The following CLN6 variants were observed in gnomAD, a reference collection of about 807,000 sequenced individuals.
CLN6 encodes the protein ceroid-lipofuscinosis neuronal protein 6.
Under a neutral mutation model 33.3 loss-of-function variants are expected in CLN6, and 22 were observed. That is an observed-to-expected ratio of 0.66 (90% CI 0.47 to 0.94). The LOEUF (loss-of-function observed/expected upper bound fraction) is 0.94. Ranked by LOEUF, CLN6 falls within the 40% of genes least tolerant of loss-of-function variation. The pLI is 0.00. For synonymous variants in CLN6, 201 were observed against 174.6 expected, an observed-to-expected ratio of 1.15 and a Z score of -1.19; for missense variants, 387 against 417.1, an observed-to-expected ratio of 0.93 and a Z score of 0.63.
chr15:68,230,199 C>T (rs914453634), upstream of CLN6, among the ~76,000 whole-genome samples: 1 of 151,846 alleles, frequency 6.6e-6, no homozygotes, highest in Non-Finnish European at 1.5e-5. This position sits in a 1 kb window ranked among gnomAD's most constrained non-coding sequence, Gnocchi z 4.0. Context: ...CATCTAGAGT[C>T]GTGTGAGAGG....
In CLN6 at chr15:68,209,876, A is replaced by G. The variant is rs757914017; in HGVS notation, c.543-117T>C. The G allele has an allele frequency of 4.9e-6, 7 of 1,423,146 alleles. No individual in the cohort carries two copies. The highest frequency in any genetic ancestry group is 5.9e-6 in the Non-Finnish European group (6 of 1,022,238). The allele number at this position is 1,423,146 out of a possible 1,614,324, so 88.2% of individuals were successfully genotyped here. On this transcript the variant is annotated intron_variant, in intron 5 of 6. Transcript: ENST00000249806. The surrounding 1 kb of genome is among the most constrained non-coding windows in gnomAD (Gnocchi z 4.9). ...CCACGTCACAGTTTACAAAACGCCT[A>G]GCCTGGGTGAGAGGCGCTCCTCTCC...
Position 68,211,487 on chromosome 15 carries a change from G to A in CLN6, c.487-169C>T. On this transcript the variant is annotated intron_variant, in intron 4 of 6. Transcript: ENST00000249806. The surrounding 1 kb of genome is among the most constrained non-coding windows in gnomAD (Gnocchi z 5.9). ...TTCTGTTACAGGGGCCCAGGTGGGAGGCAGTCTGTGCACCACTTCCTAAGA... is the reference window on the plus strand; with the variant it reads ...TTCTGTTACAGGGGCCCAGGTGGGAAGCAGTCTGTGCACCACTTCCTAAGA... 1.9e-6 allele frequency: 3 copies of A among 1,559,782 alleles called. No homozygotes were observed. Among genetic ancestry groups the A allele is most frequent in the Non-Finnish European group, 2.6e-6 (3 of 1,149,754 alleles).
chr15:68,207,145 G>A lies in CLN6; in HGVS notation c.*995C>T, dbSNP rs1201199647. 2 of 152,376 alleles carry A rather than the reference G, an allele frequency of 1.3e-5. No individual in the cohort carries two copies. The highest frequency in any genetic ancestry group is 1.3e-4 in the Admixed American group (2 of 15,314). 9.4% of individuals were successfully genotyped at this position (152,376 alleles called of 1,614,324 possible). A position where few individuals can be genotyped will look rare whatever the true frequency, so the allele number is the denominator to read the frequency against. On this transcript the variant is annotated 3_prime_UTR_variant, in exon 7 of 7. Coordinates refer to ENST00000249806, the MANE Select transcript of CLN6 (RefSeq NM_017882.3). ...CCCACAGGAAGGGTCCTAGGTAGGGGGAGGTTCCTCCTCCCTTGAAACCCT... is the reference window on the plus strand; with the variant it reads ...CCCACAGGAAGGGTCCTAGGTAGGGAGAGGTTCCTCCTCCCTTGAAACCCT...
At chr15:68,214,252 G>A in intron 3 of CLN6, 38 bp downstream of exon 3, 1 of 1,454,914 alleles carries the variant, frequency 6.9e-7, no homozygotes, top group Non-Finnish European at 9.7e-7. Context: ...TGCAAAGAAT[G>A]GGGATGACAG....
intron 1 of CLN6, among the ~76,000 whole-genome samples, chr15:68,243,590 A>G (rs1404545669): frequency 6.6e-6 from 1 of 151,996 alleles, no homozygotes; most frequent in Non-Finnish European, 1.5e-5. Flanking sequence ...CCGCATCTCT[A>G]CTAAAAGTAC....
intron 1 of CLN6, among the ~76,000 whole-genome samples, chr15:68,250,973 A>C (rs1294304181): frequency 6.6e-6 from 1 of 152,194 alleles, no homozygotes; most frequent in Non-Finnish European, 1.5e-5. Flanking sequence ...CTAATCAAGG[A>C]CTGTATGAGA....
At chr15:68,222,892 C>G (rs1348939068) in intron 1 of CLN6, among the ~76,000 whole-genome samples, 1 of 152,084 alleles carries the variant, frequency 6.6e-6, no homozygotes, top group Non-Finnish European at 1.5e-5. Flanking sequence ...AAGGGTGGTG[C>G]AAGATGTGCT....
chr15:68,251,357 T>G (rs1376028513), intron 1 of CLN6, among the ~76,000 whole-genome samples: 1 of 152,172 alleles, frequency 6.6e-6, no homozygotes, highest in Non-Finnish European at 1.5e-5. Context: ...GGTAGATCAC[T>G]GTAAACATTG....
At chr15:68,233,443 A>G (rs1037875563), upstream of CLN6, among the ~76,000 whole-genome samples, 10 of 152,180 alleles carry the variant, frequency 6.6e-5, no homozygotes, top group Non-Finnish European at 1.5e-4. This position sits in a 1 kb window ranked among gnomAD's most constrained non-coding sequence, Gnocchi z 4.3. Context: ...TAATTTCATC[A>G]TTCTGCAGCT....
At position 68,211,720 on chromosome 15, in the gene CLN6, A is replaced by C. The variant is rs1595818241; in HGVS notation, c.441T>G (p.Ser147=). 1.9e-6 allele frequency: 3 copies of C among 1,613,964 alleles called. No homozygotes were observed. The highest frequency in any genetic ancestry group is 2.5e-6 in the Non-Finnish European group (3 of 1,180,002). Residue 147 remains serine, a synonymous_variant, in exon 4 of 7, where the codon TCT becomes TCG. Transcript: ENST00000249806. The surrounding 1 kb of genome is among the most constrained non-coding windows in gnomAD (Gnocchi z 5.9). ...LLFSGYQHHL[S]VRENPIIKNL... is the part of the protein sequence containing the mutation. The stretch of plus-strand genomic sequence containing the variant: ...TCTTGATGATGGGGTTCTCACGGAC[A>C]GACAGGTGGTGCTGGTAGCCACTGA...
At chr15:68,221,305 C>T (rs2093235232) in intron 1 of CLN6, among the ~76,000 whole-genome samples, 1 of 148,788 alleles carries the variant, frequency 6.7e-6, no homozygotes, top group Non-Finnish European at 1.5e-5. Context: ...GATCTCAGCT[C>T]CCTGCAACCT....
chr15:68,249,504 G>A (rs1304392167), intron 1 of CLN6, among the ~76,000 whole-genome samples: 1 of 152,190 alleles, frequency 6.6e-6, no homozygotes, highest in Non-Finnish European at 1.5e-5. Flanking sequence ...GAAAAAGAAT[G>A]AAACTCTGTC....
In CLN6 at chr15:68,220,729, C is replaced by T. The variant is rs1245590617; in HGVS notation, c.84-2079G>A. Reference sequence around the variant, plus strand: ...TTTGCTAAGGATGGTGCAGTTCACACTGGCTTTCTGTCACTTGCAACCCAG... The same window carrying T: ...TTTGCTAAGGATGGTGCAGTTCACATTGGCTTTCTGTCACTTGCAACCCAG... On this transcript the variant is annotated intron_variant, in intron 1 of 6. Coordinates refer to ENST00000249806, the MANE Select transcript of CLN6 (RefSeq NM_017882.3). The surrounding 1 kb of genome is among the most constrained non-coding windows in gnomAD (Gnocchi z 4.2). Among the ~76,000 whole-genome samples, 1 of 152,276 alleles carries T rather than the reference C, an allele frequency of 6.6e-6. No individual in the cohort carries two copies. Among genetic ancestry groups the T allele is most frequent in the Non-Finnish European group, 1.5e-5 (1 of 68,050 alleles).
chr15:68,217,568 T>C (rs2093223866), intron 2 of CLN6, among the ~76,000 whole-genome samples: 1 of 152,234 alleles, frequency 6.6e-6, no homozygotes, highest in East Asian at 1.9e-4. Context: ...CACTAGTATG[T>C]ACAAAGTGCC....
In CLN6 at chr15:68,243,655, T is replaced by C. The variant is rs371312122; in HGVS notation, c.179+13035A>G. Among the ~76,000 whole-genome samples, 168 of 150,774 alleles carry C rather than the reference T, an allele frequency of 1.1e-3. 1 individual carries two copies. Among genetic ancestry groups the C allele is most frequent in the African/African-American group, 4.0e-3 (163 of 40,878 alleles). ...CTGTAATCCCAGCTACTCAGGAGGC[T>C]GAGGCAGGAGTATCGCTTGAACCCA... is the stretch of plus-strand genomic sequence containing the variant. On this transcript the variant is annotated intron_variant, in intron 1 of 6. Transcript: ENST00000538696.
intron 1 of CLN6, among the ~76,000 whole-genome samples, chr15:68,255,182 C>T (rs2141168469): frequency 6.6e-6 from 1 of 152,328 alleles, no homozygotes; most frequent in South Asian, 2.1e-4. Flanking sequence ...GACTTTGACA[C>T]ACAAGGTCCC....
At chr15:68,254,450 A>G (rs1003191007) in intron 1 of CLN6, 5 of 299,002 alleles carry the variant, frequency 1.7e-5, no homozygotes, top group Non-Finnish European at 2.6e-5. Flanking sequence ...AGTATGAAAT[A>G]CACACTGGAG....
In CLN6 at chr15:68,209,884, TGA is replaced by T. The variant is rs1243530385; in HGVS notation, c.543-127_543-126del. On this transcript the variant is annotated intron_variant, in intron 5 of 6. Coordinates refer to ENST00000249806, the MANE Select transcript of CLN6 (RefSeq NM_017882.3). The surrounding 1 kb of genome is among the most constrained non-coding windows in gnomAD (Gnocchi z 4.9). ...CAGTTTACAAAACGCCTAGCCTGGG[TGA>T]GAGGCGCTCCTCTCCACCCAACCTT... 9.1e-6 allele frequency: 12 copies of T among 1,321,922 alleles called. No individual in the cohort carries two copies. Among genetic ancestry groups the T allele is most frequent in the Non-Finnish European group, 4.3e-6 (4 of 934,582 alleles). The allele number at this position is 1,321,922 out of a possible 1,614,324, so 81.9% of individuals were successfully genotyped here. A position where few individuals can be genotyped will look rare whatever the true frequency, so the allele number is the denominator to read the frequency against.
chr15:68,210,720 C>T lies in CLN6; in HGVS notation c.542+543G>A, dbSNP rs533503757. Among the ~76,000 whole-genome samples the T allele has an allele frequency of 3.7e-4, 56 of 152,244 alleles. No homozygotes were observed. Among genetic ancestry groups the T allele is most frequent in the Admixed American group, 6.5e-4 (10 of 15,294 alleles). ...TCTGAGGTCTCCCCCGACTGAGGGA[C>T]GGGGTAGGTAGGAAAAGGTGCCCCT... On this transcript the variant is annotated intron_variant, in intron 5 of 6. Coordinates refer to ENST00000249806, the MANE Select transcript of CLN6 (RefSeq NM_017882.3). The surrounding 1 kb of genome is among the most constrained non-coding windows in gnomAD (Gnocchi z 5.6).
Sources: allele counts gnomAD v4.1 joint callset (sites outside exome capture counted in the v4.1 genomes callset), GRCh38; gene constraint gnomAD v4.1.1; non-coding constraint Gnocchi (gnomAD v3.1); transcripts MANE v1.5; gene names NCBI Gene and HGNC (gene_info 2026-07-23, HGNC 2026-07-21).